Variants in HP observed in about 807,000 individuals in gnomAD.
The protein encoded by HP is haptoglobin.
Under a neutral mutation model 23.2 loss-of-function variants are expected in HP, and 9 were observed. That is an observed-to-expected ratio of 0.39 (90% CI 0.23 to 0.68). The LOEUF is 0.68. Among genes scored for constraint, HP ranks in the 30% least tolerant of loss-of-function variants. The pLI, the probability that HP is intolerant of heterozygous loss-of-function variation, is 0.47. For missense variants in HP, 433 were observed against 483.6 expected, an observed-to-expected ratio of 0.90 and a Z score of 0.98; for synonymous variants, 155 against 183.3, an observed-to-expected ratio of 0.85 and a Z score of 1.25.
At position 72,056,831 on chromosome 16, in the gene HP, T is replaced by C. The variant is rs1467098857; in HGVS notation, c.190+200T>C. ...ACTTTTGTCAGCCTCAAGTTTTCTGTTTTGTTAAGGGGAGGCGATGCCATG... is the reference window on the plus strand; with the variant it reads ...ACTTTTGTCAGCCTCAAGTTTTCTGCTTTGTTAAGGGGAGGCGATGCCATG... On this transcript the variant is annotated intron_variant, in intron 3 of 6. Transcript: ENST00000355906. 5.3e-5 allele frequency: 20 copies of C among 379,832 alleles called. No homozygotes were observed. The African/African-American group carries it at 1.2e-3, about 23-fold the overall frequency. 23.5% of individuals were successfully genotyped at this position (379,832 alleles called of 1,614,324 possible).
rs768497633 is a variant in HP, at chr16:72,056,543, G to A, written c.102G>A (p.Pro34=). The A allele has an allele frequency of 5.3e-6, 8 of 1,505,288 alleles. No individual in the cohort carries two copies. The highest frequency in any genetic ancestry group is 2.5e-5 in the East Asian group (1 of 39,994). The allele number at this position is 1,505,288 out of a possible 1,614,324, so 93.2% of individuals were successfully genotyped here. A position where few individuals can be genotyped will look rare whatever the true frequency, so the allele number is the denominator to read the frequency against. ...CTCTCTTTGCAGATGACGGCTGCCC[G>A]AAGCCCCCCGAGATTGCACATGGCT... ...DVTDIADDGC[P]KPPEIAHGYV... Residue 34 remains proline (P), a synonymous_variant, in exon 3 of 7, where the codon CCG becomes CCA. Coordinates refer to ENST00000355906, the MANE Select transcript of HP (RefSeq NM_005143.5).
Position 72,060,593 on chromosome 16 carries a change from A to C in HP, c.924A>C (p.Gln308His). ...TGCTGCCTGTGGCTGACCAAGACCAATGCATAAGGCATTATGAAGGCAGCA... is the reference window on the plus strand; with the variant it reads ...TGCTGCCTGTGGCTGACCAAGACCACTGCATAAGGCATTATGAAGGCAGCA... The part of the protein sequence containing the change: ...YVMLPVADQD[Q>H]CIRHYEGSTV... Residue 308 changes from glutamine (Q) to histidine (H), a missense_variant, in exon 7 of 7, where the codon CAA becomes CAC. Coordinates refer to ENST00000355906, the MANE Select transcript of HP (RefSeq NM_005143.5). 1 of 1,614,138 alleles carries C rather than the reference A, an allele frequency of 6.2e-7. No individual in the cohort carries two copies. Among genetic ancestry groups the C allele is most frequent in the Non-Finnish European group, 8.5e-7 (1 of 1,180,016 alleles).
Position 72,060,729 on chromosome 16 carries a change from G to T in HP, c.1060G>T (p.Asp354Tyr). The change falls in exon 7 of 7, where the codon GAT becomes TAT. Residue 354 changes from aspartate to tyrosine, a missense_variant. Asp to Tyr is a radical substitution (Grantham distance 160). Coordinates refer to ENST00000355906, the MANE Select transcript of HP (RefSeq NM_005143.5). ...GTACCAAGAAGACACCTGCTATGGC[G>T]ATGCGGGCAGTGCCTTTGCCGTTCA... is the stretch of plus-strand genomic sequence containing the variant. Reference protein sequence around the residue: ...SKYQEDTCYGDAGSAFAVHDL... With the variant: ...SKYQEDTCYGYAGSAFAVHDL... The T allele has an allele frequency of 6.2e-7, 1 of 1,614,202 alleles. No homozygotes were observed. Among genetic ancestry groups the T allele is most frequent in the Non-Finnish European group, 8.5e-7 (1 of 1,180,048 alleles).
At position 72,059,856 on chromosome 16, in the gene HP, G is replaced by T. The variant is rs569377878; in HGVS notation, c.443-256G>T. On this transcript the variant is annotated intron_variant, in intron 6 of 6. Transcript: ENST00000355906. ...AATATAATACAGTTCACCAGCCAGG[G>T]CTCAAAAATCTCAGTATTTCCCACT... 6 of 772,618 alleles carry T rather than the reference G, an allele frequency of 7.8e-6. No individual in the cohort carries two copies. In the Admixed American group the frequency reaches 8.9e-5, roughly 11 times the overall value. The allele number at this position is 772,618 out of a possible 1,614,324, so 47.9% of individuals were successfully genotyped here.
intron 1 of HP, 159 bp from the exon 2 acceptor site, chr16:72,056,002 C>G (rs535998418): frequency 2.2e-4 from 290 of 1,296,688 alleles, no homozygotes; most frequent in Non-Finnish European, 3.0e-4. Flanking sequence ...GGTCCTAGCA[C>G]TTCCATATAT....
chr16:72,056,374 T>C, intron 2 of HP, 131 bp downstream of exon 2: 3 of 1,563,508 alleles, frequency 1.9e-6, no homozygotes, highest in Non-Finnish European at 2.6e-6. Context: ...AACATTGGGG[T>C]TCCTGCCAGA....
intron 6 of HP, chr16:72,059,697 T>C (rs1223322265): frequency 4.4e-5 from 13 of 295,876 alleles, no homozygotes; most frequent in Admixed American, 1.5e-4. Flanking sequence ...AACTGCACCA[T>C]CTACAAAATC....
chr16:72,056,464 G>C, intron 2 of HP, 66 bp from the exon 3 acceptor site: 2 of 1,473,098 alleles, frequency 1.4e-6, no homozygotes, highest in Non-Finnish European at 1.8e-6. Flanking sequence ...CCGCTCATCT[G>C]ACTTTTCACG....
intron 6 of HP, 159 bp from the exon 7 acceptor site, chr16:72,059,953 A>C: frequency 7.0e-7 from 1 of 1,423,570 alleles, no homozygotes; most frequent in Non-Finnish European, 9.3e-7. Flanking sequence ...TTATTTTAAA[A>C]CTGCAACTAT....
intron 1 of HP, 31 bp from the exon 2 acceptor site, chr16:72,056,130 C>A: frequency 1.2e-6 from 2 of 1,602,404 alleles, no homozygotes; most frequent in African/African-American, 1.3e-5. Context: ...GGGAGACTAG[C>A]TTTCCACTCC....
intron 5 of HP, 26 bp from the exon 6 acceptor site, chr16:72,059,088 G>A: frequency 6.4e-7 from 1 of 1,557,084 alleles, no homozygotes; most frequent in Non-Finnish European, 8.8e-7. Flanking sequence ...CTTCTCCTTT[G>A]GCTCACTTCT....
At chr16:72,060,067 G>A (rs748361454) in intron 6 of HP, 45 bp from the exon 7 acceptor site, 4 of 1,600,464 alleles carry the variant, frequency 2.5e-6, no homozygotes, top group Admixed American at 3.4e-5. Flanking sequence ...AGATGGAAAG[G>A]CTCTTGCACA....
chr16:72,059,419 C>T (rs577279846), intron 6 of HP: 49 of 660,440 alleles, frequency 7.4e-5, no homozygotes, highest in African/African-American at 5.5e-4. Context: ...TTGTCTACAT[C>T]GCCCACAGAT....
At chr16:72,056,084 C>G in intron 1 of HP, 77 bp from the exon 2 acceptor site, 1 of 1,525,938 alleles carries the variant, frequency 6.6e-7, no homozygotes, top group Non-Finnish European at 9.1e-7. Context: ...TGTGTACATG[C>G]ATGTGTGTGT....
intron 2 of HP, 93 bp from the exon 3 acceptor site, chr16:72,056,437 G>A: frequency 6.4e-7 from 1 of 1,558,566 alleles, no homozygotes; most frequent in East Asian, 2.4e-5. Flanking sequence ...GAAGGAGATT[G>A]ATGTGCAGAG....
At chr16:72,058,991 T>G in intron 5 of HP, 123 bp from the exon 6 acceptor site, 4 of 1,087,414 alleles carry the variant, frequency 3.7e-6, no homozygotes, top group Non-Finnish European at 5.4e-6. Context: ...ACTCTCTCCT[T>G]TTCCCCTTCC....
In HP at chr16:72,060,644, G is replaced by T; in HGVS notation, c.975G>T (p.Lys325Asn). 6.2e-7 allele frequency: 1 copy of T among 1,614,190 alleles called. No individual in the cohort carries two copies. The highest frequency in any genetic ancestry group is 8.5e-7 in the Non-Finnish European group (1 of 1,180,042). Residue 325 changes from lysine (K) to asparagine (N), a missense_variant, in exon 7 of 7, where the codon AAG becomes AAT. By Grantham distance (94) the Lys-to-Asn change is moderately conservative (BLOSUM62 0). Around this residue, in one of 3 missense-constraint regions of HP, gnomAD observed 326 missense variants for 358.1 expected, o/e 0.91. Transcript: ENST00000355906. ...GSTVPEKKTP[K>N]SPVGVQPILN... ...CAGTCCCCGAAAAGAAGACACCGAAGAGCCCTGTAGGGGTGCAGCCCATAC... is the reference window on the plus strand; with the variant it reads ...CAGTCCCCGAAAAGAAGACACCGAATAGCCCTGTAGGGGTGCAGCCCATAC...
At position 72,060,509 on chromosome 16, in the gene HP, T is replaced by C. The variant is rs776302022; in HGVS notation, c.840T>C (p.Tyr280=). The C allele has an allele frequency of 2.1e-5, 34 of 1,614,040 alleles. No homozygotes were observed. The highest frequency in any genetic ancestry group is 1.5e-4 in the African/African-American group (11 of 74,922). Residue 280 remains tyrosine, a synonymous_variant, in exon 7 of 7, where the codon TAT becomes TAC. Coordinates refer to ENST00000355906, the MANE Select transcript of HP (RefSeq NM_005143.5). ...ATGCAGAAGTAGGGCGTGTGGGTTATGTTTCTGGCTGGGGGCGAAATGCCA... is the reference window on the plus strand; with the variant it reads ...ATGCAGAAGTAGGGCGTGTGGGTTACGTTTCTGGCTGGGGGCGAAATGCCA... ...KDYAEVGRVG[Y]VSGWGRNANF...
intron 6 of HP, 91 bp from the exon 7 acceptor site, chr16:72,060,021 A>G: frequency 6.3e-7 from 1 of 1,583,288 alleles, no homozygotes; most frequent in South Asian, 1.1e-5. Context: ...TACTTTACGC[A>G]GCAGTGACAG....
Sources: allele counts gnomAD v4.1 joint callset, GRCh38; gene constraint gnomAD v4.1.1; regional missense constraint gnomAD v4.1.1; transcripts MANE v1.5; gene names NCBI Gene and HGNC (gene_info 2026-07-23, HGNC 2026-07-21).